Variants in TRIM69 observed in about 807,000 individuals in gnomAD.
TRIM69 encodes E3 ubiquitin-protein ligase TRIM69.
In TRIM69, 29 loss-of-function variants were observed where a neutral mutation model predicts 37.7. That is an observed-to-expected ratio of 0.77 (90% CI 0.57 to 1.05). TRIM69 has a LOEUF of 1.05. TRIM69 is among the 50% of genes least tolerant of loss of function. The pLI, the probability that TRIM69 is intolerant of heterozygous loss-of-function variation, is 0.00. For synonymous variants in TRIM69, 209 were observed against 212.4 expected, an observed-to-expected ratio of 0.98 and a Z score of 0.14; for missense variants, 596 against 579.9, an observed-to-expected ratio of 1.03 and a Z score of -0.28.
rs1226161760 is a variant in TRIM69 at position 44,755,379 on chromosome 15, GGGTGA to G, written c.483+5_483+9del. 6.2e-7 allele frequency: 1 copy of G among 1,605,066 alleles called. No individual in the cohort carries two copies. The highest frequency in any genetic ancestry group is 2.2e-5 in the East Asian group (1 of 44,846). ...CTGATGCTGTCCATTTCTTCACGGTGGGTGAGCCCTGGGCCTTGAACAATCCCTTA... is the reference window on the plus strand; with the variant it reads ...CTGATGCTGTCCATTTCTTCACGGTGGCCCTGGGCCTTGAACAATCCCTTA... On this transcript the variant is annotated splice_donor_5th_base_variant and intron_variant, in intron 2 of 6. Coordinates refer to ENST00000329464, the MANE Select transcript of TRIM69 (RefSeq NM_182985.5).
At chr15:44,766,370 T>C (rs2141152773) in intron 6 of TRIM69, among the ~76,000 whole-genome samples, 1 of 152,356 alleles carries the variant, frequency 6.6e-6, no homozygotes, top group Non-Finnish European at 1.5e-5. Context: ...TCTCATTATC[T>C]GTTAAACCAA....
At chr15:44,767,061 A>AAAAAAAAAAAAAG (rs2087907386) in intron 6 of TRIM69, among the ~76,000 whole-genome samples, 170 bp from the exon 7 acceptor site, 2 of 131,614 alleles carry the variant, frequency 1.5e-5, no homozygotes, top group Admixed American at 7.7e-5. Flanking sequence ...CTCAAAAAAA[A>AAAAAAAAAAAAAG]AAAAAAAAAA....
chr15:44,741,225 C>A lies in TRIM69; in HGVS notation c.6+4515C>A, dbSNP rs571655218. ...CTGCTCCTGAATGACTACTGGGTAC[C>A]TAACAAAATGAAGGCAGAAATAAAG... On this transcript the variant is annotated intron_variant, in intron 1 of 6. Coordinates refer to ENST00000329464, the MANE Select transcript of TRIM69 (RefSeq NM_182985.5). Among the ~76,000 whole-genome samples the A allele has an allele frequency of 4.6e-5, 7 of 152,246 alleles. No homozygotes were observed. The East Asian group carries it at 5.8e-4, about 13-fold the overall frequency.
chr15:44,752,324 T>A (rs1454736856), intron 1 of TRIM69, among the ~76,000 whole-genome samples: 4 of 152,240 alleles, frequency 2.6e-5, no homozygotes, highest in Non-Finnish European at 5.9e-5. Flanking sequence ...ATAATTGTTT[T>A]ATCTTCTTGA....
chr15:44,758,788 A>T lies in TRIM69; in HGVS notation c.747A>T (p.Leu249Phe). 6.2e-7 allele frequency: 1 copy of T among 1,614,164 alleles called. No individual in the cohort carries two copies. Among genetic ancestry groups the T allele is most frequent in the Non-Finnish European group, 8.5e-7 (1 of 1,180,004 alleles). The change falls in exon 4 of 7, where the codon TTA (leucine) becomes TTT (phenylalanine). Residue 249 changes from leucine (L) to phenylalanine (F), a missense_variant. Coordinates refer to ENST00000329464, the MANE Select transcript of TRIM69 (RefSeq NM_182985.5). ...NLSQLQEQCL[L>F]AKDMLVSIQA... ...GCCAGCTTCAGGAGCAATGTCTCTTAGCCAAGGATATGTTGGTGAGCATTC... is the reference window on the plus strand; with the variant it reads ...GCCAGCTTCAGGAGCAATGTCTCTTTGCCAAGGATATGTTGGTGAGCATTC...
At chr15:44,739,383 C>T (rs1056214022) in intron 1 of TRIM69, among the ~76,000 whole-genome samples, 1 of 152,210 alleles carries the variant, frequency 6.6e-6, no homozygotes, top group African/African-American at 2.4e-5. Flanking sequence ...GGGCGCAGGA[C>T]AGTGGGTGCA....
chr15:44,766,905 A>G (rs948956697), intron 6 of TRIM69, among the ~76,000 whole-genome samples: 7 of 151,662 alleles, frequency 4.6e-5, no homozygotes, highest in Admixed American at 3.3e-4. Context: ...AAAAAATTAC[A>G]AAGATTAGCC....
chr15:44,740,961 C>T (rs28749782), intron 1 of TRIM69, among the ~76,000 whole-genome samples: 3,242 of 152,076 alleles, frequency 0.021, 53 homozygotes, highest in Middle Eastern at 0.065. Context: ...CTGCACCAAG[C>T]GGACCTAATA....
intron 6 of TRIM69, among the ~76,000 whole-genome samples, chr15:44,763,505 A>G (rs532159764): frequency 6.6e-6 from 1 of 152,188 alleles, no homozygotes; most frequent in East Asian, 1.9e-4. Context: ...ATACTTTGGA[A>G]GGCAGTCATT....
intron 1 of TRIM69, among the ~76,000 whole-genome samples, chr15:44,752,295 G>A (rs1325675283): frequency 5.3e-5 from 8 of 152,106 alleles, no homozygotes; most frequent in Non-Finnish European, 5.9e-5. Flanking sequence ...AGGCTCTGTT[G>A]TTGGGTGTGT....
At chr15:44,740,109 C>T (rs1373863507) in intron 1 of TRIM69, among the ~76,000 whole-genome samples, 4 of 152,184 alleles carry the variant, frequency 2.6e-5, no homozygotes, top group African/African-American at 9.7e-5. Context: ...CTGCTGATAC[C>T]CAGGCAAACA....
Position 44,758,901 on chromosome 15 carries a change from G to C in TRIM69, c.813+47G>C, listed in dbSNP as rs751000158. On this transcript the variant is annotated intron_variant, in intron 4 of 6. Transcript: ENST00000329464. The stretch of plus-strand genomic sequence containing the variant: ...ATTATGGGTACCTTCCTACCTAGAG[G>C]GGGGAAGAGGTTTGGAAAGAATGCG... 145 of 1,568,028 alleles carry C rather than the reference G, an allele frequency of 9.2e-5. 2 individuals carry two copies. In the Middle Eastern group the frequency reaches 1.8e-3, roughly 20 times the overall value.
In TRIM69 at chr15:44,749,857, A is replaced by G. The variant is rs190449651; in HGVS notation, c.7-5043A>G. On this transcript the variant is annotated intron_variant, in intron 1 of 6. Transcript: ENST00000329464. ...AATTTATATTCTCAATTAACAATGT[A>G]CAAGAGTCCATTTCTCTGTATCACC... 5.3e-5 allele frequency among the ~76,000 whole-genome samples: 8 copies of G among 152,336 alleles called. No homozygotes were observed. In the East Asian group the frequency reaches 1.5e-3, roughly 29 times the overall value.
In TRIM69 at chr15:44,758,724, A is replaced by C; in HGVS notation, c.683A>C (p.Glu228Ala). 1.2e-6 allele frequency: 2 copies of C among 1,614,204 alleles called. No homozygotes were observed. Among genetic ancestry groups the C allele is most frequent in the Non-Finnish European group, 1.7e-6 (2 of 1,180,030 alleles). ...EKDILTELRE[E>A]GKALNEEMEL... ...GACATTTTAACTGAGCTCCGGGAAG[A>C]GGGGAAAGCCTTGAATGAGGAGATG... The change falls in exon 4 of 7, where the codon GAG (glutamate) becomes GCG (alanine). Residue 228 changes from glutamate (E) to alanine (A), a missense_variant. Glu to Ala is a moderately radical substitution (Grantham distance 107). Transcript: ENST00000329464.
chr15:44,746,237 A>C (rs921049888), intron 1 of TRIM69, among the ~76,000 whole-genome samples: 1 of 152,206 alleles, frequency 6.6e-6, no homozygotes, highest in Admixed American at 6.5e-5. Context: ...ATAATCCACA[A>C]AGAATTTTGT....
intron 3 of TRIM69, chr15:44,757,464 G>A (rs574305352): frequency 2.6e-5 from 4 of 152,178 alleles, no homozygotes; most frequent in Non-Finnish European, 5.9e-5. Context: ...AACTGGGTGA[G>A]TGGGGATATG....
intron 1 of TRIM69, among the ~76,000 whole-genome samples, chr15:44,741,124 C>T (rs1243365523): frequency 1.3e-5 from 2 of 151,704 alleles, no homozygotes; most frequent in Non-Finnish European, 2.9e-5. Flanking sequence ...GTCTCTCAGA[C>T]CACAGTGCAA....
intron 3 of TRIM69, chr15:44,757,259 G>C (rs888012062): frequency 1.3e-5 from 2 of 152,106 alleles, no homozygotes; most frequent in African/African-American, 4.8e-5. Flanking sequence ...AGATATTGGG[G>C]ATGGGAGACA....
intron 1 of TRIM69, among the ~76,000 whole-genome samples, chr15:44,749,589 C>A (rs1444097716): frequency 6.6e-6 from 1 of 152,306 alleles, no homozygotes; most frequent in South Asian, 2.1e-4. Flanking sequence ...ACTGAATAAT[C>A]TTCCATTGTA....
Sources: gnomAD v4.1 joint callset for allele counts (sites outside exome capture counted in the v4.1 genomes callset) on GRCh38, gnomAD v4.1.1 for gene constraint, MANE v1.5 for transcripts, NCBI Gene and HGNC (gene_info 2026-07-23, HGNC 2026-07-21) for gene names.